Variants in SOX5 observed in about 807,000 individuals in gnomAD.
The protein encoded by SOX5 is SRY-box transcription factor 5.
In SOX5, 9 loss-of-function variants were observed where a neutral mutation model predicts 92.0. The observed-to-expected ratio is 0.10, with a 90% CI of 0.06 to 0.17. The LOEUF (loss-of-function observed/expected upper bound fraction) is 0.17. Among genes scored for constraint, SOX5 ranks in the 10% least tolerant of loss-of-function variants. The pLI, the probability that SOX5 is intolerant of heterozygous loss-of-function variation, is 1.00. For synonymous variants in SOX5, 344 were observed against 336.3 expected (o/e 1.02, Z -0.25); for missense variants, 642 against 944.5 (o/e 0.68, Z 4.20).
At chr12:23,557,762 T>G (rs1179224216) in intron 11 of SOX5, among the ~76,000 whole-genome samples, 1 of 152,056 alleles carries the variant, frequency 6.6e-6, no homozygotes, top group Non-Finnish European at 1.5e-5. Flanking sequence ...GATCATGAGG[T>G]CAGGAGATTG....
chr12:23,858,382 G>A (rs2096718596), intron 2 of SOX5, among the ~76,000 whole-genome samples: 2 of 151,842 alleles, frequency 1.3e-5, no homozygotes, highest in African/African-American at 4.8e-5. Flanking sequence ...TTGGGCAAGG[G>A]ACATGAACAA....
intron 3 of SOX5, among the ~76,000 whole-genome samples, chr12:23,826,131 G>A (rs1213709092): frequency 3.3e-5 from 5 of 151,770 alleles, no homozygotes; most frequent in Admixed American, 2.0e-4. Context: ...CCAGTAACTC[G>A]TCATTTAACA....
chr12:24,521,762 C>T lies in SOX5; in HGVS notation c.-251+40567G>A, dbSNP rs79594194. ...AATATAAGAAGTATCTTGAGACAAA[C>T]GAAAATGAAAACACAACATACCAAA... On this transcript the variant is annotated intron_variant, in intron 1 of 4. Transcript: ENST00000446891. 3.2e-3 allele frequency among the ~76,000 whole-genome samples: 491 copies of T among 151,632 alleles called. 3 individuals carry two copies. The highest frequency in any genetic ancestry group is 0.011 in the African/African-American group (469 of 41,370).
intron 2 of SOX5, among the ~76,000 whole-genome samples, chr12:23,847,519 A>G (rs1427472117): frequency 6.6e-6 from 1 of 152,168 alleles, no homozygotes; most frequent in African/African-American, 2.4e-5. Flanking sequence ...CATCAGTGTA[A>G]TTTTGAAAAA....
chr12:24,397,410 A>G (rs1460858393), intron 1 of SOX5, among the ~76,000 whole-genome samples: 3 of 152,240 alleles, frequency 2.0e-5, no homozygotes, highest in Non-Finnish European at 4.4e-5. Context: ...ATTTACAGAT[A>G]GTATTTAATG....
intron 7 of SOX5, among the ~76,000 whole-genome samples, chr12:23,641,531 T>A (rs893844463): frequency 2.0e-5 from 3 of 152,184 alleles, no homozygotes; most frequent in African/African-American, 4.8e-5. Context: ...CGACATTTTT[T>A]ATCTATTAAA....
intron 10 of SOX5, among the ~76,000 whole-genome samples, chr12:23,564,198 G>A (rs993354646): frequency 8.5e-5 from 13 of 152,048 alleles, no homozygotes; most frequent in Admixed American, 8.5e-4. Context: ...CAAAATAACA[G>A]GTGTAACAAC....
At chr12:24,075,039 A>C (rs1180765909) in intron 4 of SOX5, among the ~76,000 whole-genome samples, 2 of 151,856 alleles carry the variant, frequency 1.3e-5, no homozygotes, top group South Asian at 2.1e-4. Context: ...AGGCAGGAGG[A>C]CTGCTTGAGC....
chr12:23,900,294 GC>G (rs1226059352), intron 1 of SOX5, among the ~76,000 whole-genome samples: 2 of 152,050 alleles, frequency 1.3e-5, no homozygotes, highest in Non-Finnish European at 2.9e-5. Flanking sequence ...TCCCCTTGTA[GC>G]ATCCTGCATA....
At chr12:23,853,895 A>G (rs2096660150) in intron 2 of SOX5, among the ~76,000 whole-genome samples, 1 of 152,148 alleles carries the variant, frequency 6.6e-6, no homozygotes, top group Non-Finnish European at 1.5e-5. Flanking sequence ...AGAGGTGTCT[A>G]AACAAAAGTT....
At chr12:23,753,008 A>G (rs1280451110) in intron 4 of SOX5, among the ~76,000 whole-genome samples, 1 of 151,850 alleles carries the variant, frequency 6.6e-6, no homozygotes, top group Non-Finnish European at 1.5e-5. Flanking sequence ...AACATGAAAA[A>G]TAACTTTATG....
intron 8 of SOX5, among the ~76,000 whole-genome samples, chr12:23,607,344 A>G (rs999123265): frequency 6.6e-6 from 1 of 152,228 alleles, no homozygotes; most frequent in African/African-American, 2.4e-5. Flanking sequence ...AGATAAGATC[A>G]ATCAGGAATT....
At chr12:23,599,068 C>T (rs543158471) in intron 9 of SOX5, among the ~76,000 whole-genome samples, 89 of 152,218 alleles carry the variant, frequency 5.8e-4, no homozygotes, top group African/African-American at 2.0e-3. Flanking sequence ...TACTTGATAG[C>T]GTGAAACTAT....
At chr12:24,264,225 A>AAT (rs1942683497) in intron 3 of SOX5, among the ~76,000 whole-genome samples, 1 of 152,204 alleles carries the variant, frequency 6.6e-6, no homozygotes, top group African/African-American at 2.4e-5. Flanking sequence ...GGCATTAGAT[A>AAT]GATATCTTGG....
chr12:23,912,439 G>T (rs1203309155), intron 1 of SOX5, among the ~76,000 whole-genome samples: 1 of 152,148 alleles, frequency 6.6e-6, no homozygotes, highest in African/African-American at 2.4e-5. Context: ...AAAACAGTTT[G>T]CAGTTTCTAA....
chr12:23,974,565 G>C (rs774131486), intron 4 of SOX5, among the ~76,000 whole-genome samples: 3 of 152,060 alleles, frequency 2.0e-5, no homozygotes, highest in Admixed American at 6.5e-5. Flanking sequence ...CTTTCTTTTC[G>C]AAATCTAGAT....
chr12:23,879,833 T>C (rs972251338), intron 2 of SOX5, among the ~76,000 whole-genome samples: 3 of 152,186 alleles, frequency 2.0e-5, no homozygotes, highest in Non-Finnish European at 4.4e-5. Flanking sequence ...TCTAGAATTA[T>C]AGTGAATCTA....
At chr12:24,508,302 G>T (rs2138263672) in intron 1 of SOX5, among the ~76,000 whole-genome samples, 1 of 152,058 alleles carries the variant, frequency 6.6e-6, no homozygotes, top group Non-Finnish European at 1.5e-5. Flanking sequence ...TGCAGACAAA[G>T]AACAATAAAG....
At chr12:24,062,546 G>A (rs371681837) in intron 4 of SOX5, among the ~76,000 whole-genome samples, 30 of 152,288 alleles carry the variant, frequency 2.0e-4, no homozygotes, top group South Asian at 1.0e-3. Flanking sequence ...ACTATAGACC[G>A]GAGTTCTTCA....
Sources: gnomAD v4.1 joint callset for allele counts (sites outside exome capture counted in the v4.1 genomes callset) on GRCh38, gnomAD v4.1.1 for gene constraint, MANE v1.5 for transcripts, NCBI Gene and HGNC (gene_info 2026-07-23, HGNC 2026-07-21) for gene names.